The following ZMYND11 variants were observed in gnomAD, a reference collection of about 807,000 sequenced individuals.
ZMYND11 encodes zinc finger MYND-type containing 11.
A neutral mutation model predicts 84.9 loss-of-function variants in ZMYND11; 9 were observed. The ratio of observed to expected loss-of-function variants is 0.11; its 90% CI spans 0.06 to 0.18. The LOEUF (loss-of-function observed/expected upper bound fraction) is 0.18. Ranked by LOEUF, ZMYND11 falls within the 10% of genes least tolerant of loss-of-function variation. The probability of loss-of-function intolerance (pLI) is 1.00; values close to 1 mark genes in which losing one functional copy is unlikely to be tolerated. For synonymous variants in ZMYND11, 250 were observed against 244.1 expected, an observed-to-expected ratio of 1.02 and a Z score of -0.23; for missense variants, 409 against 761.0, an observed-to-expected ratio of 0.54 and a Z score of 5.44.
chr10:182,628 C>T (rs1848117350), intron 2 of ZMYND11, among the ~76,000 whole-genome samples: 1 of 152,196 alleles, frequency 6.6e-6, no homozygotes, highest in African/African-American at 2.4e-5. Context: ...CACATCAGAG[C>T]ATCCTGTACT....
intron 4 of ZMYND11, among the ~76,000 whole-genome samples, chr10:225,372 G>A (rs962314257): frequency 1.6e-5 from 2 of 121,598 alleles, no homozygotes; most frequent in Admixed American, 1.7e-4. Flanking sequence ...GTGTTTTTAG[G>A]CAGGATCTTG....
intron 1 of ZMYND11, among the ~76,000 whole-genome samples, chr10:172,087 G>A (rs577459836): frequency 2.6e-5 from 4 of 152,132 alleles, no homozygotes; most frequent in African/African-American, 9.7e-5. Flanking sequence ...GGCCAGGCAC[G>A]TCTCTGAAGC....
At chr10:239,169 T>C (rs976874847) in intron 6 of ZMYND11, among the ~76,000 whole-genome samples, 1 of 152,220 alleles carries the variant, frequency 6.6e-6, no homozygotes, top group Non-Finnish European at 1.5e-5. Context: ...TCAAATGAGA[T>C]GTTCAAGCCA....
chr10:215,284 C>A (rs1283467851), intron 3 of ZMYND11, among the ~76,000 whole-genome samples: 2 of 151,298 alleles, frequency 1.3e-5, no homozygotes, highest in Non-Finnish European at 1.5e-5. Context: ...ATAGTTAATG[C>A]CAGGACAAAA....
At chr10:248,193 T>C in intron 12 of ZMYND11, 143 bp from the exon 13 acceptor site, 1 of 1,037,688 alleles carries the variant, frequency 9.6e-7, no homozygotes, top group Non-Finnish European at 1.4e-6. Context: ...ACGTGACATC[T>C]ACCACCCTAA....
At chr10:189,140 C>A (rs979565395) in intron 2 of ZMYND11, among the ~76,000 whole-genome samples, 1 of 152,212 alleles carries the variant, frequency 6.6e-6, no homozygotes, top group East Asian at 1.9e-4. Flanking sequence ...CCTCTGACCT[C>A]TTGTGACATG....
intron 2 of ZMYND11, among the ~76,000 whole-genome samples, chr10:193,547 T>G (rs1428056826): frequency 6.6e-6 from 1 of 152,222 alleles, no homozygotes; most frequent in African/African-American, 2.4e-5. Flanking sequence ...CTGCAGCTAG[T>G]TAGTCATTCT....
At chr10:160,785 T>C (rs956998158) in intron 1 of ZMYND11, among the ~76,000 whole-genome samples, 7 of 152,166 alleles carry the variant, frequency 4.6e-5, no homozygotes, top group Admixed American at 1.3e-4. Context: ...CCTGAGATTA[T>C]AGCAATTCAG....
intron 4 of ZMYND11, among the ~76,000 whole-genome samples, chr10:227,365 G>A (rs1308238705): frequency 6.6e-6 from 1 of 152,162 alleles, no homozygotes; most frequent in Non-Finnish European, 1.5e-5. Context: ...TCTATAGAAA[G>A]CATTTAAAAG....
chr10:208,430 TCAAA>T lies in ZMYND11; in HGVS notation c.117-1454_117-1451del, dbSNP rs1367851571. Among the ~76,000 whole-genome samples, 3 of 151,982 alleles carry T rather than the reference TCAAA, an allele frequency of 2.0e-5. No homozygotes were observed. The East Asian group carries it at 5.8e-4, about 29-fold the overall frequency. ...CTAATATCCAGAATCTACAGTGAAC[TCAAA>T]CAAATTTACAAGAAAAAAACAAATA... is the stretch of plus-strand genomic sequence containing the variant. On this transcript the variant is annotated intron_variant, in intron 2 of 14. Transcript: ENST00000381604.
chr10:212,058 A>C (rs1294852504), intron 3 of ZMYND11, among the ~76,000 whole-genome samples: 6 of 152,188 alleles, frequency 3.9e-5, no homozygotes, highest in Non-Finnish European at 8.8e-5. Context: ...AGTAAGTGCA[A>C]CTTAATCTAT....
chr10:204,140 T>C (rs1394406184), intron 2 of ZMYND11, among the ~76,000 whole-genome samples: 1 of 152,196 alleles, frequency 6.6e-6, no homozygotes, highest in Non-Finnish European at 1.5e-5. Context: ...AAATCTGATC[T>C]ATCTATAATT....
chr10:239,874 G>C, intron 7 of ZMYND11, 182 bp from the exon 8 acceptor site: 1 of 565,878 alleles, frequency 1.8e-6, no homozygotes. Context: ...AGAATTAGTG[G>C]TTGTATTGGA....
intron 14 of ZMYND11, chr10:249,872 A>C: frequency 2.6e-6 from 2 of 755,626 alleles, no homozygotes; most frequent in South Asian, 6.0e-5. Context: ...ATCTGTGACA[A>C]AGATTTGGCA....
At chr10:232,021 G>A (rs1293646599) in intron 4 of ZMYND11, among the ~76,000 whole-genome samples, 3 of 152,148 alleles carry the variant, frequency 2.0e-5, no homozygotes, top group Non-Finnish European at 4.4e-5. Context: ...GAATCCTCAG[G>A]CCTGCAAATA....
At chr10:167,653 A>G (rs1188053481) in intron 1 of ZMYND11, among the ~76,000 whole-genome samples, 1 of 152,096 alleles carries the variant, frequency 6.6e-6, no homozygotes, top group Non-Finnish European at 1.5e-5. Context: ...CCAGTTATCC[A>G]TGTTCTATGC....
chr10:216,276 A>G (rs1946182571), intron 3 of ZMYND11, among the ~76,000 whole-genome samples: 1 of 151,810 alleles, frequency 6.6e-6, no homozygotes, highest in Admixed American at 6.6e-5. Flanking sequence ...TGACTCCCCA[A>G]CCCCCACAAC....
At chr10:226,036 G>A (rs1388195877) in intron 4 of ZMYND11, among the ~76,000 whole-genome samples, 1 of 152,124 alleles carries the variant, frequency 6.6e-6, no homozygotes, top group Non-Finnish European at 1.5e-5. Flanking sequence ...TGGGGCTTGT[G>A]GCTACCATAT....
At chr10:144,843 A>G (rs1329665555) in intron 1 of ZMYND11, among the ~76,000 whole-genome samples, 6 of 150,392 alleles carry the variant, frequency 4.0e-5, no homozygotes, top group African/African-American at 1.5e-4. Flanking sequence ...TAGTGCACCC[A>G]TCACCTGAGT....
Sources: gnomAD v4.1 joint callset for allele counts (sites outside exome capture counted in the v4.1 genomes callset) on GRCh38, gnomAD v4.1.1 for gene constraint, MANE v1.5 for transcripts, NCBI Gene and HGNC (gene_info 2026-07-23, HGNC 2026-07-21) for gene names.